The following FARP2 variants were observed in gnomAD, a reference collection of about 807,000 sequenced individuals.
The protein encoded by FARP2 is FERM, ARHGEF and pleckstrin domain-containing protein 2.
Under a neutral mutation model 130.5 loss-of-function variants are expected in FARP2, and 111 were observed. The ratio of observed to expected loss-of-function variants is 0.85; its 90% confidence interval spans 0.73 to 1.00. The LOEUF is 1.00. Among genes scored for constraint, FARP2 ranks in the 50% least tolerant of loss-of-function variants. The pLI is 0.00. For missense variants in FARP2, 1,385 were observed against 1,346.3 expected (o/e 1.03, Z -0.45); for synonymous variants, 504 against 516.9 (o/e 0.98, Z 0.34).
At chr2:241,483,382 G>A in intron 19 of FARP2, 83 bp from the exon 20 acceptor site, 1 of 1,177,378 alleles carries the variant, frequency 8.5e-7, no homozygotes, top group Non-Finnish European at 1.3e-6. Flanking sequence ...CGGCCACAAG[G>A]CTATTCCTGA....
Position 241,456,807 on chromosome 2 carries a change from G to A in FARP2, c.1472G>A (p.Ser491Asn). The A allele has an allele frequency of 6.2e-7, 1 of 1,614,120 alleles. No homozygotes were observed. Among genetic ancestry groups the A allele is most frequent in the Non-Finnish European group, 8.5e-7 (1 of 1,180,004 alleles). ...PSSRKSPLSLSPAFQVPLGPA... is the reference protein window; with the variant it reads ...PSSRKSPLSLNPAFQVPLGPA... ...AGCCGGAAGAGCCCCCTGAGTCTGA[G>A]CCCTGCATTTCAGGTGCCTTTGGGC... Residue 491 changes from serine (S) to asparagine (N), a missense_variant, in exon 14 of 27, where the codon AGC (serine) becomes AAC (asparagine). Coordinates refer to ENST00000264042, the MANE Select transcript of FARP2 (RefSeq NM_014808.4).
In FARP2 at chr2:241,441,341, C is replaced by T; in HGVS notation, c.1196C>T (p.Ser399Phe). ...CCCGAGGGATTGAGGACTCCTGCCT[C>T]CCCATCTTCAGCGAATGCCTTTTAC... Reference protein sequence around the residue: ...SFPEGLRTPASPSSANAFYSL... With the variant: ...SFPEGLRTPAFPSSANAFYSL... The change falls in exon 13 of 27, where the codon TCC becomes TTC. Residue 399 changes from serine to phenylalanine, a missense_variant. Ser to Phe is a radical substitution (Grantham distance 155). Coordinates refer to ENST00000264042, the MANE Select transcript of FARP2 (RefSeq NM_014808.4). 6.2e-7 allele frequency: 1 copy of T among 1,611,856 alleles called. No individual in the cohort carries two copies.
intron 13 of FARP2, chr2:241,442,864 A>T (rs1002955271): frequency 3.3e-5 from 8 of 243,472 alleles, no homozygotes; most frequent in African/African-American, 1.8e-4. Flanking sequence ...ATGTTACACA[A>T]TTCTGTTCAT....
chr2:241,405,048 C>G (rs934380226), intron 4 of FARP2, among the ~76,000 whole-genome samples: 3 of 152,096 alleles, frequency 2.0e-5, no homozygotes, highest in Non-Finnish European at 4.4e-5. Flanking sequence ...GCTTCACATT[C>G]GGAAATAAGA....
intron 12 of FARP2, among the ~76,000 whole-genome samples, chr2:241,437,658 A>ATTTTTTTTT (rs1478318608): frequency 1.6e-4 from 22 of 134,368 alleles, no homozygotes; most frequent in Admixed American, 1.2e-3. Context: ...ATATTTATTT[A>ATTTTTTTTT]TTTATTTATT....
At chr2:241,470,480 A>G (rs11682299) in intron 18 of FARP2, among the ~76,000 whole-genome samples, 56,730 of 146,896 alleles carry the variant, frequency 0.39, 10,888 homozygotes, top group Admixed American at 0.53. Flanking sequence ...CTGTTCTAAG[A>G]ACACTGCTCT....
intron 2 of FARP2, among the ~76,000 whole-genome samples, chr2:241,400,619 ATTC>A (rs1399239616): frequency 6.6e-6 from 1 of 152,190 alleles, no homozygotes; most frequent in African/African-American, 2.4e-5. Context: ...GTGAGAGAGA[ATTC>A]TTCTCTAAGG....
chr2:241,364,010 C>G lies in FARP2; in HGVS notation c.-25+7622C>G, dbSNP rs372747226. On this transcript the variant is annotated intron_variant, in intron 1 of 26. Transcript: ENST00000264042. The stretch of plus-strand genomic sequence containing the variant: ...TTGTGGCCTCCATGAGCTTGACCTC[C>G]TAGTGTTTATCCTGGGAGTATGTGA... 7.2e-5 allele frequency among the ~76,000 whole-genome samples: 11 copies of G among 152,164 alleles called. 1 individual carries two copies. The highest frequency in any genetic ancestry group is 6.5e-4 in the Admixed American group (10 of 15,286).
In FARP2 at chr2:241,376,901, A is replaced by G. The variant is rs143640863; in HGVS notation, c.183+3611A>G. Reference sequence around the variant, plus strand: ...CTGAAATGCAAGTTCTGGGAAGGAAAGGCTGTATTGTATCTACTTCTGTGC... The same window carrying G: ...CTGAAATGCAAGTTCTGGGAAGGAAGGGCTGTATTGTATCTACTTCTGTGC... On this transcript the variant is annotated intron_variant, in intron 2 of 26. Coordinates refer to ENST00000264042, the MANE Select transcript of FARP2 (RefSeq NM_014808.4). 3.9e-5 allele frequency among the ~76,000 whole-genome samples: 6 copies of G among 152,324 alleles called. No homozygotes were observed. The East Asian group carries it at 7.7e-4, about 20-fold the overall frequency.
intron 1 of FARP2, among the ~76,000 whole-genome samples, chr2:241,366,847 G>A (rs570195131): frequency 2.6e-5 from 4 of 152,138 alleles, no homozygotes; most frequent in South Asian, 2.1e-4. Flanking sequence ...GAGTGGTGCC[G>A]TGACTCAGTT....
intron 17 of FARP2, among the ~76,000 whole-genome samples, chr2:241,467,131 T>G (rs562220739): frequency 2.2e-4 from 34 of 152,106 alleles, no homozygotes; most frequent in African/African-American, 7.5e-4. Flanking sequence ...GGTGTGCGCC[T>G]GTGATCCCAG....
Position 241,438,572 on chromosome 2 carries a change from G to A in FARP2, c.1158+2034G>A, listed in dbSNP as rs577694028. On this transcript the variant is annotated intron_variant, in intron 12 of 26. Coordinates refer to ENST00000264042, the MANE Select transcript of FARP2 (RefSeq NM_014808.4). ...AATGTCTCAAAAAGTAAAGCTCATGGTATCCCAGGTTTTTTCATGGGTACA... is the reference window on the plus strand; with the variant it reads ...AATGTCTCAAAAAGTAAAGCTCATGATATCCCAGGTTTTTTCATGGGTACA... Among the ~76,000 whole-genome samples, 3 of 151,416 alleles carry A rather than the reference G, an allele frequency of 2.0e-5. No homozygotes were observed. The South Asian group carries it at 6.3e-4, about 32-fold the overall frequency.
intron 1 of FARP2, among the ~76,000 whole-genome samples, chr2:241,365,996 C>G (rs1450944545): frequency 1.5e-5 from 2 of 135,786 alleles, no homozygotes; most frequent in Non-Finnish European, 3.1e-5. Context: ...TTAATATAAA[C>G]AAATACATAC....
chr2:241,401,159 T>TA (rs1202965537), intron 2 of FARP2, among the ~76,000 whole-genome samples: 1 of 152,232 alleles, frequency 6.6e-6, no homozygotes, highest in Non-Finnish European at 1.5e-5. Context: ...GCTGCTTTGT[T>TA]ACAATGGATT....
intron 1 of FARP2, among the ~76,000 whole-genome samples, chr2:241,356,824 G>GT: frequency 6.6e-6 from 1 of 152,378 alleles, no homozygotes; most frequent in Admixed American, 6.5e-5. Flanking sequence ...GACCCGCAGG[G>GT]TATGGGCCTG....
At chr2:241,489,864 C>G in intron 21 of FARP2, 98 bp from the exon 22 acceptor site, 1 of 785,236 alleles carries the variant, frequency 1.3e-6, no homozygotes, top group Non-Finnish European at 2.2e-6. Context: ...CTTCCAAGCC[C>G]CACCTAGCAT....
At chr2:241,440,396 G>A (rs1033052337) in intron 12 of FARP2, among the ~76,000 whole-genome samples, 11 of 152,304 alleles carry the variant, frequency 7.2e-5, no homozygotes, top group African/African-American at 2.6e-4. Flanking sequence ...GGAACCATGA[G>A]GGGAGGATGT....
chr2:241,435,090 A>T lies in FARP2; in HGVS notation c.1100+60A>T, dbSNP rs2063190958. On this transcript the variant is annotated intron_variant, in intron 11 of 26. Transcript: ENST00000264042. The stretch of plus-strand genomic sequence containing the variant: ...TTTTAAAATTAAAATTTAAATATAT[A>T]TATGGAGAGAGAGCGAAAAGAGAGA... 1.1e-5 allele frequency: 11 copies of T among 990,088 alleles called. No individual in the cohort carries two copies. The South Asian group carries it at 1.7e-4, about 15-fold the overall frequency. 61.3% of individuals were successfully genotyped at this position (990,088 alleles called of 1,614,324 possible).
chr2:241,481,531 T>C (rs1389149287), intron 19 of FARP2, among the ~76,000 whole-genome samples: 1 of 152,160 alleles, frequency 6.6e-6, no homozygotes. Context: ...CAGGAAACCT[T>C]CCCCACTTTG....
Sources: gnomAD v4.1 joint callset for allele counts (sites outside exome capture counted in the v4.1 genomes callset) on GRCh38, gnomAD v4.1.1 for gene constraint, MANE v1.5 for transcripts, NCBI Gene and HGNC (gene_info 2026-07-23, HGNC 2026-07-21) for gene names.